ASF1B: variants seen among roughly 807,000 people sequenced by gnomAD.
The protein encoded by ASF1B is histone chaperone ASF1B.
Under a neutral mutation model 16.6 loss-of-function variants are expected in ASF1B, and 10 were observed. The ratio of observed to expected loss-of-function variants is 0.60; its 90% CI spans 0.37 to 1.02. The LOEUF (loss-of-function observed/expected upper bound fraction) is 1.02. Ranked by LOEUF, ASF1B falls within the 50% of genes least tolerant of loss-of-function variation. The pLI is 0.01. For missense variants in ASF1B, 240 were observed against 266.0 expected (o/e 0.90, Z 0.68); for synonymous variants, 101 against 106.2 (o/e 0.95, Z 0.30).
At chr19:14,131,178 ATT>A (rs924558802) in intron 1 of ASF1B, among the ~76,000 whole-genome samples, 1 of 119,200 alleles carries the variant, frequency 8.4e-6, no homozygotes, top group African/African-American at 3.2e-5. Flanking sequence ...GTGCCTGGCC[ATT>A]TTTTTTTTCT....
At chr19:14,133,896 C>A (rs1223398503) in intron 1 of ASF1B, among the ~76,000 whole-genome samples, 1 of 149,262 alleles carries the variant, frequency 6.7e-6, no homozygotes, top group African/African-American at 2.5e-5. Context: ...CTCCGCCTCC[C>A]GGGTTCACGC....
chr19:14,120,663 G>A lies in ASF1B; in HGVS notation c.405C>T (p.Leu135=). ...NPPMKPDFSQ[L]QRNILASNPR... ...GGTTCGAGGCCAAGATGTTCCGCTG[G>A]AGCTGGGGCAGGAAGAGGAACGTCA... The change falls in exon 4 of 4, where the codon CTC becomes CTT. Residue 135 remains leucine, a splice_region_variant and synonymous_variant. Transcript: ENST00000263382. The A allele has an allele frequency of 6.2e-7, 1 of 1,614,074 alleles. No individual in the cohort carries two copies. The highest frequency in any genetic ancestry group is 2.2e-5 in the East Asian group (1 of 44,880).
In ASF1B at chr19:14,120,532, G is replaced by C; in HGVS notation, c.536C>G (p.Thr179Ser). The C allele has an allele frequency of 6.2e-7, 1 of 1,613,632 alleles. No individual in the cohort carries two copies. The highest frequency in any genetic ancestry group is 8.5e-7 in the Non-Finnish European group (1 of 1,179,742). The stretch of plus-strand genomic sequence containing the variant: ...AGGGAGCCCCAAGCCCTTGATAGGA[G>C]TGCAGTTGAGTGGGAGGCCGCAGCC... Reference protein sequence around the residue: ...SLGCGLPLNCTPIKGLGLPGC... With the variant: ...SLGCGLPLNCSPIKGLGLPGC... Residue 179 changes from threonine (T) to serine (S), a missense_variant, in exon 4 of 4, where the codon ACT becomes AGT. Coordinates refer to ENST00000263382, the MANE Select transcript of ASF1B (RefSeq NM_018154.3).
Position 14,120,124 on chromosome 19 carries a change from G to A in ASF1B, c.*335C>T, listed in dbSNP as rs2144506357. 4.0e-5 allele frequency: 10 copies of A among 252,702 alleles called. No individual in the cohort carries two copies. The South Asian group carries it at 5.2e-4, about 13-fold the overall frequency. 15.7% of individuals were successfully genotyped at this position (252,702 alleles called of 1,614,324 possible). A position where few individuals can be genotyped will look rare whatever the true frequency, so the allele number is the denominator to read the frequency against. ...GCACTGACCAAGAAAGCCTCTAGGT[G>A]GGCCAGGGAGGTCTGTGGGAAAGCT... On this transcript the variant is annotated 3_prime_UTR_variant, in exon 4 of 4. Transcript: ENST00000263382.
At chr19:14,122,265 C>A (rs1299603556) in intron 2 of ASF1B, among the ~76,000 whole-genome samples, 4 of 151,910 alleles carry the variant, frequency 2.6e-5, no homozygotes, top group Non-Finnish European at 1.5e-5. Context: ...CGGGATTTCA[C>A]CATGTTGGCC....
intron 1 of ASF1B, among the ~76,000 whole-genome samples, chr19:14,129,820 G>C (rs1208494118): frequency 6.6e-6 from 1 of 151,360 alleles, no homozygotes; most frequent in South Asian, 2.1e-4. Flanking sequence ...GCTGAGGCGG[G>C]TGGATTGCTT....
intron 1 of ASF1B, among the ~76,000 whole-genome samples, chr19:14,127,474 G>A (rs1967335649): frequency 6.6e-6 from 1 of 152,184 alleles, no homozygotes; most frequent in Non-Finnish European, 1.5e-5. Flanking sequence ...AACTGGGGCA[G>A]GGTGGCAGAT....
intron 1 of ASF1B, among the ~76,000 whole-genome samples, chr19:14,127,186 G>C (rs1967331546): frequency 6.6e-6 from 1 of 152,212 alleles, no homozygotes; most frequent in South Asian, 2.1e-4. Flanking sequence ...GCTGAGGTGG[G>C]CACAAAGCTC....
At chr19:14,136,129 G>A (rs1043088495) in intron 1 of ASF1B, among the ~76,000 whole-genome samples, 1 of 151,228 alleles carries the variant, frequency 6.6e-6, no homozygotes, top group East Asian at 2.0e-4. Context: ...AGGTCAAGGC[G>A]GGCAGTGGGG....
intron 2 of ASF1B, among the ~76,000 whole-genome samples, chr19:14,124,052 A>G (rs1350606625): frequency 1.3e-5 from 2 of 152,046 alleles, no homozygotes; most frequent in East Asian, 1.9e-4. Context: ...CCAGCCTCCC[A>G]AAGTGTTGAG....
chr19:14,135,018 G>C (rs1967465449), intron 1 of ASF1B, among the ~76,000 whole-genome samples: 1 of 152,002 alleles, frequency 6.6e-6, no homozygotes, highest in East Asian at 1.9e-4. Context: ...GAGGTCAGGA[G>C]TTCGAGACCA....
rs149862256 is a variant in ASF1B, at chr19:14,128,021, T to C, written c.110-1784A>G. ...CATTGAGATGAAAGGAAAGTGCTTA[T>C]GGAACCTCTGGCTGTCAATCACAGG... is the stretch of plus-strand genomic sequence containing the variant. On this transcript the variant is annotated intron_variant, in intron 1 of 3. Transcript: ENST00000263382. 2.0e-4 allele frequency among the ~76,000 whole-genome samples: 30 copies of C among 152,340 alleles called. No individual in the cohort carries two copies. The East Asian group carries it at 4.8e-3, about 24-fold the overall frequency.
chr19:14,127,742 T>C (rs915539950), intron 1 of ASF1B, among the ~76,000 whole-genome samples: 1 of 152,132 alleles, frequency 6.6e-6, no homozygotes, highest in Non-Finnish European at 1.5e-5. Flanking sequence ...GTTCAAGTGA[T>C]TCTCCTGCCT....
Position 14,136,360 on chromosome 19 carries a change from C to A in ASF1B, c.97G>T (p.Ala33Ser). 1 of 1,613,250 alleles carries A rather than the reference C, an allele frequency of 6.2e-7. No homozygotes were observed. The highest frequency in any genetic ancestry group is 8.5e-7 in the Non-Finnish European group (1 of 1,179,420). Residue 33 changes from alanine (A) to serine (S), a missense_variant, in exon 1 of 4, where the codon GCC (alanine) becomes TCC (serine). By Grantham distance (99) the Ala-to-Ser change is moderately conservative. Transcript: ENST00000263382. ...RFEISFECSE[A>S]LADDLEWKII... ...GGCCCAGCCTCACCGTCCGCCAGGG[C>A]TTCACTGCACTCGAAGCTGATCTCG... is the stretch of plus-strand genomic sequence containing the variant.
chr19:14,120,328 C>G lies in ASF1B; in HGVS notation c.*131G>C, dbSNP rs917055237. 2.3e-5 allele frequency: 20 copies of G among 874,234 alleles called. No homozygotes were observed. The African/African-American group carries it at 3.4e-4, about 15-fold the overall frequency. The allele number at this position is 874,234 out of a possible 1,614,324, so 54.2% of individuals were successfully genotyped here. ...AGGGGAGACCCAAGGCCTGTTCTTT[C>G]CTAGGGGCTGAGTTTGACAGACCTG... On this transcript the variant is annotated 3_prime_UTR_variant, in exon 4 of 4. Transcript: ENST00000263382.
intron 2 of ASF1B, 21 bp from the exon 3 acceptor site, chr19:14,121,729 G>T (rs767399254): frequency 6.3e-6 from 10 of 1,599,510 alleles, no homozygotes; most frequent in Middle Eastern, 1.7e-4. Context: ...CACATCCTAG[G>T]CCTTAGCAGT....
At chr19:14,134,886 A>C (rs1203068444) in intron 1 of ASF1B, among the ~76,000 whole-genome samples, 1 of 151,992 alleles carries the variant, frequency 6.6e-6, no homozygotes, top group Non-Finnish European at 1.5e-5. Context: ...AGACCATCAA[A>C]AGCAACGGGA....
intron 2 of ASF1B, among the ~76,000 whole-genome samples, chr19:14,123,786 ATTTT>A (rs1247010220): frequency 1.9e-5 from 2 of 107,652 alleles, no homozygotes; most frequent in Non-Finnish European, 2.0e-5. Context: ...AAGCGAGCCT[ATTTT>A]TTTTTTTTTT....
chr19:14,135,021 C>A (rs1237661593), intron 1 of ASF1B, among the ~76,000 whole-genome samples: 1 of 151,704 alleles, frequency 6.6e-6, no homozygotes, highest in African/African-American at 2.4e-5. Context: ...GTCAGGAGTT[C>A]GAGACCAACC....
Sources: gnomAD v4.1 joint callset for allele counts (sites outside exome capture counted in the v4.1 genomes callset) on GRCh38, gnomAD v4.1.1 for gene constraint, MANE v1.5 for transcripts, NCBI Gene and HGNC (gene_info 2026-07-23, HGNC 2026-07-21) for gene names.